Variants in SAMMSON observed in about 807,000 individuals in gnomAD.
SAMMSON encodes survival associated mitochondrial melanoma specific oncogenic non-coding RNA.
chr3:70,125,246 C>T (rs887319661), intron 4 of SAMMSON: 18 of 1,309,618 alleles, frequency 1.4e-5, no homozygotes, highest in African/African-American at 4.3e-5. Context: ...TTTCATCAAA[C>T]GTATATCAAA....
At chr3:70,250,767 T>C (rs1245301892) in intron 6 of SAMMSON, among the ~76,000 whole-genome samples, 2 of 152,206 alleles carry the variant, frequency 1.3e-5, no homozygotes, top group East Asian at 3.8e-4. Context: ...TAAGAAAATA[T>C]TGTGTTCTCT....
chr3:70,273,725 A>C (rs890576806), intron 6 of SAMMSON, among the ~76,000 whole-genome samples: 2 of 152,258 alleles, frequency 1.3e-5, no homozygotes, highest in Non-Finnish European at 2.9e-5. Context: ...AATCAATCCC[A>C]GTTTTTAAAG....
At position 70,185,807 on chromosome 3, in the gene SAMMSON, CAAAAAAA is replaced by C. The variant is rs34529551; in HGVS notation, n.508-63286_508-63280del. Reference sequence around the variant, plus strand: ...GCAGCATAGCAAGACCCCGCCTCTACAAAAAAAAAAAAAAAAAAAATTAGCTGGGCAT... The same window carrying C: ...GCAGCATAGCAAGACCCCGCCTCTACAAAAAAAAAAAAATTAGCTGGGCAT... On this transcript the variant is annotated intron_variant and non_coding_transcript_variant, in intron 4 of 9. Coordinates refer to ENST00000642114, the Ensembl canonical transcript of SAMMSON. Among the ~76,000 whole-genome samples the C allele has an allele frequency of 8.7e-5, 9 of 102,970 alleles. No homozygotes were observed. The East Asian group carries it at 1.0e-3, about 12-fold the overall frequency. 67.6% of individuals were successfully genotyped at this position (102,970 alleles called of 152,430 possible).
intron 7 of SAMMSON, among the ~76,000 whole-genome samples, chr3:70,299,871 A>T (rs1453659862): frequency 2.0e-5 from 3 of 151,918 alleles, no homozygotes; most frequent in Non-Finnish European, 4.4e-5. Context: ...ACACTCTTCA[A>T]CCTAACGTTA....
intron 7 of SAMMSON, among the ~76,000 whole-genome samples, chr3:70,308,191 T>C (rs1192507439): frequency 6.6e-6 from 1 of 152,148 alleles, no homozygotes; most frequent in Non-Finnish European, 1.5e-5. Context: ...GTTGGGACTA[T>C]AGGGGTATGC....
intron 4 of SAMMSON, among the ~76,000 whole-genome samples, chr3:70,215,273 G>A (rs1215412311): frequency 1.3e-5 from 2 of 152,096 alleles, no homozygotes; most frequent in Non-Finnish European, 2.9e-5. Flanking sequence ...GTAAGGGGCA[G>A]AGCTAGTACT....
intron 7 of SAMMSON, among the ~76,000 whole-genome samples, chr3:70,353,563 A>G (rs1702809382): frequency 6.6e-6 from 1 of 152,176 alleles, no homozygotes; most frequent in South Asian, 2.1e-4. Flanking sequence ...TAAAAAAAAT[A>G]GTGACAACAC....
At chr3:70,082,041 TG>T (rs1221576618) in intron 4 of SAMMSON, among the ~76,000 whole-genome samples, 2 of 152,202 alleles carry the variant, frequency 1.3e-5, no homozygotes, top group African/African-American at 2.4e-5. Context: ...GACTTGGTAA[TG>T]GGAGGCCCTG....
chr3:70,292,654 G>A (rs1311863682), intron 7 of SAMMSON, among the ~76,000 whole-genome samples: 1 of 152,004 alleles, frequency 6.6e-6, no homozygotes, highest in Non-Finnish European at 1.5e-5. Flanking sequence ...ACTCCCTAAT[G>A]ATTGATGAAA....
downstream of SAMMSON, among the ~76,000 whole-genome samples, chr3:70,393,153 C>T (rs918562161): frequency 5.9e-5 from 9 of 152,128 alleles, no homozygotes; most frequent in African/African-American, 1.9e-4. Context: ...ATGGCCTTTA[C>T]TATAATATTT....
chr3:70,006,926 C>T (rs1401022110), intron 1 of SAMMSON, among the ~76,000 whole-genome samples: 1 of 151,646 alleles, frequency 6.6e-6, no homozygotes, highest in Admixed American at 6.6e-5. Context: ...TGATAGCTTG[C>T]TGAGAATGAT....
chr3:70,045,128 A>AAT (rs372919688), intron 3 of SAMMSON, among the ~76,000 whole-genome samples: 1,073 of 83,614 alleles, frequency 0.013, 10 homozygotes, highest in Non-Finnish European at 0.025. Context: ...TATTAATTAT[A>AAT]ATATATTATA....
At chr3:70,399,946 T>C (rs933792773) in intron 2 of SAMMSON, among the ~76,000 whole-genome samples, 1 of 148,546 alleles carries the variant, frequency 6.7e-6, no homozygotes, top group African/African-American at 2.6e-5. Context: ...GTTTTTCTCA[T>C]TAATGTACTG....
chr3:70,401,150 T>A lies in SAMMSON; in HGVS notation n.233+42826T>A, dbSNP rs957276841. The stretch of plus-strand genomic sequence containing the variant: ...TTGTTTGCACTAGTAATTTATATAA[T>A]AGATATTTTGTTTTTTCTCATGGAC... On this transcript the variant is annotated intron_variant and non_coding_transcript_variant, in intron 2 of 3. Transcript: ENST00000641053. 2.6e-5 allele frequency among the ~76,000 whole-genome samples: 4 copies of A among 152,182 alleles called. No individual in the cohort carries two copies. The East Asian group carries it at 7.7e-4, about 29-fold the overall frequency.
intron 4 of SAMMSON, among the ~76,000 whole-genome samples, chr3:70,104,572 A>G (rs2067359391): frequency 6.6e-6 from 1 of 152,152 alleles, no homozygotes; most frequent in African/African-American, 2.4e-5. Context: ...CCCCAAGGGA[A>G]AAGGAGCTGG....
At chr3:70,274,379 A>C (rs1394896851) in intron 6 of SAMMSON, among the ~76,000 whole-genome samples, 1 of 152,164 alleles carries the variant, frequency 6.6e-6, no homozygotes, top group African/African-American at 2.4e-5. Context: ...GAAATATAGA[A>C]TGAGTATGTG....
chr3:70,266,463 C>G (rs1701917719), intron 6 of SAMMSON, among the ~76,000 whole-genome samples: 1 of 151,966 alleles, frequency 6.6e-6, no homozygotes, highest in African/African-American at 2.4e-5. Context: ...TTCTGTCACC[C>G]AGGCTGGAGA....
At chr3:70,336,858 G>GTGTGTGTA (rs1491478364) in intron 7 of SAMMSON, among the ~76,000 whole-genome samples, 2 of 135,768 alleles carry the variant, frequency 1.5e-5, no homozygotes, top group Admixed American at 7.6e-5. Context: ...GTGTGTGTGT[G>GTGTGTGTA]GAGAGAGAGA....
chr3:70,027,014 G>T (rs959186424), intron 3 of SAMMSON, among the ~76,000 whole-genome samples: 1 of 152,156 alleles, frequency 6.6e-6, no homozygotes, highest in Non-Finnish European at 1.5e-5. Context: ...TCTACTGGGA[G>T]TTTGTAAAAT....
Sources: allele counts gnomAD v4.1 joint callset (sites outside exome capture counted in the v4.1 genomes callset), GRCh38; gene constraint gnomAD v4.1.1; transcripts MANE v1.5; gene names NCBI Gene and HGNC (gene_info 2026-07-23, HGNC 2026-07-21).